Variants in NFKB1 observed in about 807,000 individuals in gnomAD.
NFKB1 encodes nuclear factor NF-kappa-B p105 subunit.
Under a neutral mutation model 105.1 loss-of-function variants are expected in NFKB1, and 9 were observed. The ratio of observed to expected loss-of-function variants is 0.09; its 90% CI spans 0.05 to 0.15. The LOEUF is 0.15. Among genes scored for constraint, NFKB1 ranks in the 10% least tolerant of loss-of-function variants. NFKB1 has a pLI of 1.00. For missense variants in NFKB1, 830 were observed against 1,203.7 expected (o/e 0.69, Z 4.59); for synonymous variants, 440 against 442.2 (o/e 1.00, Z 0.06).
chr4:102,571,391 C>T (rs967913233), intron 6 of NFKB1, among the ~76,000 whole-genome samples: 6 of 152,168 alleles, frequency 3.9e-5, no homozygotes, highest in African/African-American at 1.4e-4. Context: ...TAGAAGAAGA[C>T]CTAGGCAATA....
Position 102,578,902 on chromosome 4 carries a change from G to A in NFKB1, c.593G>A (p.Arg198His), listed in dbSNP as rs561236472. The A allele has an allele frequency of 1.6e-4, 263 of 1,613,982 alleles. No homozygotes were observed. The South Asian group carries it at 2.3e-3, about 14-fold the overall frequency. The change falls in exon 8 of 24, where the codon CGC (arginine) becomes CAC (histidine). Residue 198 changes from arginine to histidine, a missense_variant. Physicochemically the swap from Arg to His is conservative, Grantham distance 29 (BLOSUM62 0). Coordinates refer to ENST00000226574, the MANE Select transcript of NFKB1 (RefSeq NM_003998.4). ...QLGDREKELIRQAALQQTKEM... is the reference protein window; with the variant it reads ...QLGDREKELIHQAALQQTKEM... ...CTAGATCGGGAAAAAGAGCTAATCC[G>A]CCAAGCAGCTCTGCAGCAGACCAAG... is the stretch of plus-strand genomic sequence containing the variant.
At chr4:102,545,989 A>G (rs1434180259) in intron 5 of NFKB1, among the ~76,000 whole-genome samples, 1 of 152,188 alleles carries the variant, frequency 6.6e-6, no homozygotes, top group African/African-American at 2.4e-5. Context: ...ATAGTGGCTC[A>G]CGCCTATAAT....
chr4:102,552,067 A>C (rs1408862145), intron 5 of NFKB1, among the ~76,000 whole-genome samples: 1 of 152,208 alleles, frequency 6.6e-6, no homozygotes, highest in East Asian at 1.9e-4. Flanking sequence ...GAAACACGAT[A>C]CATAAGACCA....
chr4:102,518,168 A>C (rs567610394), intron 1 of NFKB1, among the ~76,000 whole-genome samples: 1 of 152,338 alleles, frequency 6.6e-6, no homozygotes, highest in South Asian at 2.1e-4. Context: ...AGAAATTGCA[A>C]AGTCAAAAAT....
At chr4:102,516,034 T>TC (rs1740156684) in intron 1 of NFKB1, among the ~76,000 whole-genome samples, 1 of 152,188 alleles carries the variant, frequency 6.6e-6, no homozygotes, top group Non-Finnish European at 1.5e-5. Flanking sequence ...TCTTTTTTTT[T>TC]CTTTTATCAC....
At position 102,596,179 on chromosome 4, in the gene NFKB1, G is replaced by T. The variant is rs202196813; in HGVS notation, c.1342G>T (p.Asp448Tyr). ...TESKKDPEGC[D>Y]KSDDKNTVNL... ...ATCTAAAAAGGACCCTGAAGGTTGT[G>T]ACAAAAGTGATGACAAAAACACTGT... Residue 448 changes from aspartate (D) to tyrosine (Y), a missense_variant, in exon 14 of 24, where the codon GAC becomes TAC. By Grantham distance (160) the Asp-to-Tyr change is radical. Transcript: ENST00000226574. The T allele has an allele frequency of 1.9e-6, 3 of 1,612,070 alleles. No individual in the cohort carries two copies. The African/African-American group carries it at 4.0e-5, about 22-fold the overall frequency.
intron 6 of NFKB1, among the ~76,000 whole-genome samples, chr4:102,567,642 A>G (rs924123655): frequency 6.6e-6 from 1 of 152,228 alleles, no homozygotes; most frequent in African/African-American, 2.4e-5. Context: ...ATGCACAGAT[A>G]AGAAGCCAAG....
At chr4:102,604,590 T>C (rs550052320) in intron 16 of NFKB1, among the ~76,000 whole-genome samples, 1 of 152,022 alleles carries the variant, frequency 6.6e-6, no homozygotes, top group South Asian at 2.1e-4. Flanking sequence ...CCTTCACTGC[T>C]TATCCACACA....
intron 5 of NFKB1, among the ~76,000 whole-genome samples, chr4:102,560,245 T>A (rs1199491323): frequency 2.6e-5 from 4 of 152,188 alleles, no homozygotes; most frequent in South Asian, 2.1e-4. Context: ...GTGTGTTACT[T>A]CTTTCTCGAA....
At chr4:102,595,828 G>T (rs892289503) in intron 13 of NFKB1, among the ~76,000 whole-genome samples, 1 of 152,116 alleles carries the variant, frequency 6.6e-6, no homozygotes, top group African/African-American at 2.4e-5. Flanking sequence ...CTGTTTTCAA[G>T]AACTTTAAAA....
At chr4:102,561,598 T>C (rs1290531938) in intron 5 of NFKB1, among the ~76,000 whole-genome samples, 2 of 151,850 alleles carry the variant, frequency 1.3e-5, no homozygotes, top group Non-Finnish European at 2.9e-5. Context: ...CAATGGGAAA[T>C]GTGAATAGTT....
chr4:102,547,756 CTATT>C (rs1457370191), intron 5 of NFKB1, among the ~76,000 whole-genome samples: 3 of 152,200 alleles, frequency 2.0e-5, no homozygotes, highest in African/African-American at 7.2e-5. Context: ...CTTCACCAGT[CTATT>C]AATTTATTTT....
chr4:102,587,303 T>A (rs999280183), intron 11 of NFKB1, among the ~76,000 whole-genome samples: 1 of 152,188 alleles, frequency 6.6e-6, no homozygotes, highest in African/African-American at 2.4e-5. Flanking sequence ...AAAATATGGA[T>A]AATTTTTTTA....
intron 20 of NFKB1, 152 bp from the exon 21 acceptor site, chr4:102,611,892 G>T (rs747863685): frequency 6.4e-6 from 4 of 626,356 alleles, no homozygotes; most frequent in Non-Finnish European, 1.1e-5. Flanking sequence ...CATATTCTTG[G>T]AGGGTGGTCC....
intron 22 of NFKB1, 78 bp from the exon 23 acceptor site, chr4:102,613,347 G>C: frequency 6.8e-7 from 1 of 1,475,190 alleles, no homozygotes; most frequent in Non-Finnish European, 9.3e-7. Flanking sequence ...GAAGAGGGAA[G>C]GGTGGGCTGT....
At chr4:102,558,820 C>T (rs983072653) in intron 5 of NFKB1, among the ~76,000 whole-genome samples, 1 of 152,102 alleles carries the variant, frequency 6.6e-6, no homozygotes, top group Non-Finnish European at 1.5e-5. Context: ...CCAGCTTCCC[C>T]ACTCTGAGCC....
Position 102,597,617 on chromosome 4 carries a change from C to T in NFKB1, c.1593C>T (p.Ala531=), listed in dbSNP as rs200448331. The T allele has an allele frequency of 8.1e-6, 13 of 1,613,772 alleles. No individual in the cohort carries two copies. Among genetic ancestry groups the T allele is most frequent in the East Asian group, 4.5e-5 (2 of 44,888 alleles). ...CAGGAGACGTGAAGATGCTGCTGGC[C>T]GTCCAGCGCCATCTCACTGCTGTGC... The part of the protein sequence containing the change: ...AVTGDVKMLL[A]VQRHLTAVQD... Residue 531 remains alanine, a synonymous_variant, in exon 15 of 24, where the codon GCC becomes GCT. Transcript: ENST00000226574.
At chr4:102,554,507 T>C (rs926305862) in intron 5 of NFKB1, among the ~76,000 whole-genome samples, 64 of 152,320 alleles carry the variant, frequency 4.2e-4, no homozygotes, top group African/African-American at 1.5e-3. Flanking sequence ...AACTGTGCTG[T>C]CATCCCTGTT....
rs1454604582 is a variant in NFKB1, at chr4:102,600,882, G to T, written c.1638-13G>T. ...CATTTTAGTTAATTATTGCCACTGT[G>T]TTTTCATTCCAGTGTCTTACACTTA... On this transcript the variant is annotated splice_polypyrimidine_tract_variant and intron_variant, in intron 15 of 23. Transcript: ENST00000226574. 1 of 1,425,346 alleles carries T rather than the reference G, an allele frequency of 7.0e-7. No homozygotes were observed. The highest frequency in any genetic ancestry group is 9.9e-7 in the Non-Finnish European group (1 of 1,011,234). The allele number at this position is 1,425,346 out of a possible 1,614,324, so 88.3% of individuals were successfully genotyped here. A position where few individuals can be genotyped will look rare whatever the true frequency, so the allele number is the denominator to read the frequency against.
Sources: gnomAD v4.1 joint callset for allele counts (sites outside exome capture counted in the v4.1 genomes callset) on GRCh38, gnomAD v4.1.1 for gene constraint, MANE v1.5 for transcripts, NCBI Gene and HGNC (gene_info 2026-07-23, HGNC 2026-07-21) for gene names.